The following SNAP25 variants were observed in gnomAD, a reference collection of about 807,000 sequenced individuals.
The protein encoded by SNAP25 is synaptosomal-associated protein 25.
In SNAP25, 3 loss-of-function variants were observed where a neutral mutation model predicts 28.7. The ratio of observed to expected loss-of-function variants is 0.10; its 90% CI spans 0.05 to 0.27. The LOEUF is 0.27. Ranked by LOEUF, SNAP25 falls within the 10% of genes least tolerant of loss-of-function variation. The pLI is 1.00. For missense variants in SNAP25, 117 were observed against 278.7 expected, an observed-to-expected ratio of 0.42 and a Z score of 4.13; for synonymous variants, 61 against 88.1, an observed-to-expected ratio of 0.69 and a Z score of 1.72.
intron 2 of SNAP25, among the ~76,000 whole-genome samples, chr20:10,276,620 C>A (rs949360091): frequency 2.6e-5 from 4 of 152,158 alleles, no homozygotes; most frequent in Non-Finnish European, 4.4e-5. Flanking sequence ...ATGAAAATAT[C>A]CAACCAACAT....
intron 1 of SNAP25, among the ~76,000 whole-genome samples, chr20:10,241,137 G>A (rs962955088): frequency 2.2e-4 from 33 of 150,656 alleles, no homozygotes; most frequent in African/African-American, 7.5e-4. Flanking sequence ...CTGTTCTTGC[G>A]CCGAAGAGAA....
intron 1 of SNAP25, among the ~76,000 whole-genome samples, chr20:10,223,392 A>G (rs2062670029): frequency 6.6e-6 from 1 of 152,152 alleles, no homozygotes; most frequent in African/African-American, 2.4e-5. Context: ...GTAGATACAG[A>G]TTTTACTGCC....
intron 6 of SNAP25, among the ~76,000 whole-genome samples, chr20:10,297,752 C>T (rs970270522): frequency 9.9e-5 from 15 of 152,194 alleles, no homozygotes; most frequent in African/African-American, 3.6e-4. Flanking sequence ...CCTGCAGTTT[C>T]ATTGGCCATT....
At chr20:10,254,354 T>C (rs79922376) in intron 1 of SNAP25, among the ~76,000 whole-genome samples, 1 of 152,184 alleles carries the variant, frequency 6.6e-6, no homozygotes, top group Non-Finnish European at 1.5e-5. Context: ...TGGAGGATGA[T>C]GCTGATGCTG....
At chr20:10,243,018 C>T (rs556496739) in intron 1 of SNAP25, among the ~76,000 whole-genome samples, 5 of 152,278 alleles carry the variant, frequency 3.3e-5, no homozygotes, top group African/African-American at 4.8e-5. Flanking sequence ...GAAGTAGGGC[C>T]GCCTAACAGC....
intron 1 of SNAP25, among the ~76,000 whole-genome samples, chr20:10,262,017 A>G (rs2063422043): frequency 6.6e-6 from 1 of 152,250 alleles, no homozygotes. Flanking sequence ...TAAATACCAT[A>G]CAGCTCATGT....
At chr20:10,225,774 C>G (rs965830143) in intron 1 of SNAP25, among the ~76,000 whole-genome samples, 3 of 152,106 alleles carry the variant, frequency 2.0e-5, no homozygotes, top group Non-Finnish European at 4.4e-5. Flanking sequence ...CCCAGCTTCC[C>G]CATCACTTCC....
At chr20:10,240,166 G>A (rs1487825973) in intron 1 of SNAP25, among the ~76,000 whole-genome samples, 1 of 152,038 alleles carries the variant, frequency 6.6e-6, no homozygotes, top group Non-Finnish European at 1.5e-5. Context: ...TGAGGGCCCT[G>A]TTTCCTGGCT....
intron 7 of SNAP25, among the ~76,000 whole-genome samples, chr20:10,299,821 A>G (rs1242035311): frequency 6.6e-6 from 1 of 152,230 alleles, no homozygotes; most frequent in Non-Finnish European, 1.5e-5. Context: ...AGATAAGGAA[A>G]GATCTCAAGA....
intron 1 of SNAP25, among the ~76,000 whole-genome samples, chr20:10,261,047 T>C (rs2063406435): frequency 6.6e-6 from 1 of 152,180 alleles, no homozygotes; most frequent in South Asian, 2.1e-4. Context: ...TATACATTCA[T>C]GTCAATGAAT....
At chr20:10,268,331 T>C (rs2063538048) in intron 1 of SNAP25, among the ~76,000 whole-genome samples, 1 of 152,212 alleles carries the variant, frequency 6.6e-6, no homozygotes, top group South Asian at 2.1e-4. Flanking sequence ...ATGAACAGTG[T>C]GGCGAGACAT....
At chr20:10,291,289 T>A (rs969427154) in intron 4 of SNAP25, among the ~76,000 whole-genome samples, 1 of 152,138 alleles carries the variant, frequency 6.6e-6, no homozygotes, top group Non-Finnish European at 1.5e-5. Flanking sequence ...TTAGCCAGGC[T>A]GGTCTCAAAC....
intron 7 of SNAP25, among the ~76,000 whole-genome samples, 184 bp from the exon 8 acceptor site, chr20:10,305,945 T>C (rs1162854857): frequency 6.6e-6 from 1 of 151,498 alleles, no homozygotes; most frequent in African/African-American, 2.4e-5. Flanking sequence ...AAATTAAGCT[T>C]CTACGGTCAC....
At chr20:10,249,545 G>A (rs2122795503) in intron 1 of SNAP25, among the ~76,000 whole-genome samples, 1 of 152,234 alleles carries the variant, frequency 6.6e-6, no homozygotes, top group Middle Eastern at 3.4e-3. Context: ...TCCTGTGATG[G>A]CAGAGCCTCT....
chr20:10,292,064 T>C (rs1047629239), intron 4 of SNAP25, among the ~76,000 whole-genome samples: 3 of 152,216 alleles, frequency 2.0e-5, no homozygotes, highest in Non-Finnish European at 4.4e-5. Flanking sequence ...AGTGACACCA[T>C]ATTGTCCTAT....
At chr20:10,296,529 T>C (rs2064113408) in intron 5 of SNAP25, 1 of 213,920 alleles carries the variant, frequency 4.7e-6, no homozygotes, top group Non-Finnish European at 9.5e-6. Context: ...CACACTCTAC[T>C]TGGCAGTCTT....
At chr20:10,285,377 T>C (rs2063855678) in intron 4 of SNAP25, among the ~76,000 whole-genome samples, 1 of 152,218 alleles carries the variant, frequency 6.6e-6, no homozygotes, top group Non-Finnish European at 1.5e-5. Flanking sequence ...CATTTTAATA[T>C]AGCATCTCTA....
At chr20:10,281,273 T>G (rs888166837) in intron 3 of SNAP25, among the ~76,000 whole-genome samples, 1 of 152,134 alleles carries the variant, frequency 6.6e-6, no homozygotes, top group Non-Finnish European at 1.5e-5. Flanking sequence ...CATAATACTA[T>G]TTAAGGAATA....
intron 1 of SNAP25, among the ~76,000 whole-genome samples, chr20:10,257,882 C>CAAAA (rs57183397): frequency 4.8e-5 from 4 of 84,204 alleles, no homozygotes; most frequent in Non-Finnish European, 4.8e-5. Flanking sequence ...GACTCTGTCT[C>CAAAA]AAAAAAAAAA....
Sources: gnomAD v4.1 joint callset for allele counts (sites outside exome capture counted in the v4.1 genomes callset) on GRCh38, gnomAD v4.1.1 for gene constraint, MANE v1.5 for transcripts, NCBI Gene and HGNC (gene_info 2026-07-23, HGNC 2026-07-21) for gene names.